TPR: variants seen among roughly 807,000 people sequenced by gnomAD.
TPR encodes nucleoprotein TPR.
A neutral mutation model predicts 316.1 loss-of-function variants in TPR; 51 were observed. The observed-to-expected ratio is 0.16, with a 90% CI of 0.13 to 0.20. The LOEUF (loss-of-function observed/expected upper bound fraction) is 0.20. Among genes scored for constraint, TPR ranks in the 10% least tolerant of loss-of-function variants. The pLI is 1.00. For missense variants in TPR, 2,272 were observed against 2,754.8 expected (o/e 0.82, Z 3.92); for synonymous variants, 981 against 914.7 (o/e 1.07, Z -1.31).
rs746592032 is a variant in TPR, at chr1:186,375,012, T to C, written c.17A>G (p.Gln6Arg). 1 of 1,613,976 alleles carries C rather than the reference T, an allele frequency of 6.2e-7. No individual in the cohort carries two copies. MAAVL[Q>R]QVLERTELNK... Reference sequence around the variant, plus strand: ...CAGCTCCGTGCGCTCCAGGACTTGCTGCAACACCGCCGCCATGTCGGTGGG... The same window carrying C: ...CAGCTCCGTGCGCTCCAGGACTTGCCGCAACACCGCCGCCATGTCGGTGGG... Residue 6 changes from glutamine to arginine, a missense_variant, in exon 1 of 51, where the codon CAG (glutamine) becomes CGG (arginine). Gln to Arg is a conservative substitution (Grantham distance 43). Transcript: ENST00000367478.
intron 42 of TPR, 74 bp downstream of exon 42, chr1:186,325,690 T>G (rs1657905161): frequency 8.6e-7 from 1 of 1,158,368 alleles, no homozygotes; most frequent in Non-Finnish European, 1.2e-6. Context: ...AATTTATATA[T>G]TAGAATTAAG....
chr1:186,366,680 C>T (rs895554694), intron 4 of TPR, among the ~76,000 whole-genome samples: 10 of 152,066 alleles, frequency 6.6e-5, no homozygotes, highest in Admixed American at 2.0e-4. Flanking sequence ...TGTGAATTAT[C>T]CAAATTTATT....
In TPR at chr1:186,343,564, T is replaced by C; in HGVS notation, c.3603-91A>G. ...AATTTGGTAAGATGACAAAAATCAT[T>C]GACTTTAATAACTATTACACGTTTT... On this transcript the variant is annotated intron_variant, in intron 26 of 50. Coordinates refer to ENST00000367478, the MANE Select transcript of TPR (RefSeq NM_003292.3). 8.3e-6 allele frequency: 10 copies of C among 1,211,076 alleles called. No homozygotes were observed. In the South Asian group the frequency reaches 1.5e-4, roughly 18 times the overall value. 75.0% of individuals were successfully genotyped at this position (1,211,076 alleles called of 1,614,324 possible).
At chr1:186,326,624 G>C (rs1657940570) in intron 40 of TPR, among the ~76,000 whole-genome samples, 1 of 151,246 alleles carries the variant, frequency 6.6e-6, no homozygotes, top group Non-Finnish European at 1.5e-5. Flanking sequence ...TGTCAATATA[G>C]GATTAAACCC....
At chr1:186,356,794 G>A (rs1558027871) in intron 14 of TPR, among the ~76,000 whole-genome samples, 1 of 151,996 alleles carries the variant, frequency 6.6e-6, no homozygotes, top group Non-Finnish European at 1.5e-5. Flanking sequence ...TCTTACATAG[G>A]TTCTCCAGGT....
rs888096579 is a variant in TPR, at chr1:186,328,178, A to G, written c.5689-518T>C. ...TGTCTTCCTATAGAAGAATTATCAT[A>G]AATCTTATTGGTTAATACTCCAATA... On this transcript the variant is annotated intron_variant, in intron 39 of 50. Coordinates refer to ENST00000367478, the MANE Select transcript of TPR (RefSeq NM_003292.3). Among the ~76,000 whole-genome samples the G allele has an allele frequency of 3.3e-5, 5 of 152,316 alleles. No individual in the cohort carries two copies. In the East Asian group the frequency reaches 9.6e-4, roughly 29 times the overall value.
At position 186,346,045 on chromosome 1, in the gene TPR, G is replaced by C. The variant is rs547061659; in HGVS notation, c.3096+90C>G. 4.3e-5 allele frequency: 61 copies of C among 1,414,724 alleles called. No individual in the cohort carries two copies. In the African/African-American group the frequency reaches 7.9e-4, roughly 18 times the overall value. 87.6% of individuals were successfully genotyped at this position (1,414,724 alleles called of 1,614,324 possible). ...CCTATGTGTTCAATAAATTTCTGTT[G>C]AGATGAACTAAATGGCAACTAATGA... On this transcript the variant is annotated intron_variant, in intron 23 of 50. Coordinates refer to ENST00000367478, the MANE Select transcript of TPR (RefSeq NM_003292.3).
At chr1:186,348,511 T>A (rs946428617) in intron 21 of TPR, among the ~76,000 whole-genome samples, 33 of 152,016 alleles carry the variant, frequency 2.2e-4, no homozygotes, top group Admixed American at 4.6e-4. Context: ...CTTTGTTAGA[T>A]CCTTATCAGT....
At position 186,351,977 on chromosome 1, in the gene TPR, T is replaced by C. The variant is rs779117265; in HGVS notation, c.2468A>G (p.Gln823Arg). 23 of 1,593,834 alleles carry C rather than the reference T, an allele frequency of 1.4e-5. No homozygotes were observed. In the South Asian group the frequency reaches 2.6e-4, roughly 18 times the overall value. ...TACATAGGCTTTTTATTTGGTTACC[T>C]GAATTGTTTGCAGATTAGTTAGCAG... ...NLLLTNLQTI[Q>R]GILERSETET... Residue 823 changes from glutamine to arginine, a missense_variant and splice_region_variant, in exon 19 of 51, where the codon CAG (glutamine) becomes CGG (arginine). By Grantham distance (43) the Gln-to-Arg change is conservative. Coordinates refer to ENST00000367478, the MANE Select transcript of TPR (RefSeq NM_003292.3).
intron 13 of TPR, 65 bp from the exon 14 acceptor site, chr1:186,357,688 G>T (rs1659069079): frequency 1.4e-6 from 2 of 1,409,696 alleles, no homozygotes; most frequent in Non-Finnish European, 9.6e-7. Flanking sequence ...AGTTTAGAAT[G>T]AAAGTTTTCA....
intron 3 of TPR, among the ~76,000 whole-genome samples, chr1:186,368,316 T>C (rs1302921085): frequency 6.6e-6 from 1 of 152,166 alleles, no homozygotes; most frequent in African/African-American, 2.4e-5. Flanking sequence ...TTAAAACTTT[T>C]AATATATTTT....
Position 186,362,311 on chromosome 1 carries a change from C to T in TPR, c.766G>A (p.Asp256Asn). The part of the protein sequence containing the change: ...SNEHLQKHVE[D>N]LLTKLKEAKE... The stretch of plus-strand genomic sequence containing the variant: ...ACCTCTTTTAATTTGGTCAACAGAT[C>T]CTCCACATGCTTTTGAAGATGTTCA... Residue 256 changes from aspartate (D) to asparagine (N), a missense_variant, in exon 7 of 51, where the codon GAT becomes AAT. Coordinates refer to ENST00000367478, the MANE Select transcript of TPR (RefSeq NM_003292.3). The T allele has an allele frequency of 6.2e-7, 1 of 1,612,192 alleles. No homozygotes were observed. Among genetic ancestry groups the T allele is most frequent in the Non-Finnish European group, 8.5e-7 (1 of 1,178,746 alleles).
chr1:186,327,106 TA>T lies in TPR; in HGVS notation c.5889+353del, dbSNP rs1432104107. On this transcript the variant is annotated intron_variant, in intron 40 of 50. Transcript: ENST00000367478. ...ATATATAACATATATATTATATATA[TA>T]AATATATATAAATATATAACATATA... is the stretch of plus-strand genomic sequence containing the variant. 2.6e-3 allele frequency among the ~76,000 whole-genome samples: 26 copies of T among 9,990 alleles called. 7 individuals are homozygous for T. The highest frequency in any genetic ancestry group is 4.0e-3 in the Non-Finnish European group (20 of 5,014). The allele number at this position is 9,990 out of a possible 152,430, so 6.6% of individuals were successfully genotyped here.
intron 29 of TPR, 64 bp downstream of exon 29, chr1:186,340,964 T>A: frequency 6.4e-7 from 1 of 1,565,096 alleles, no homozygotes; most frequent in Non-Finnish European, 8.6e-7. Context: ...TTTATTCCCC[T>A]AAGTTTCCCC....
chr1:186,312,165 T>TA lies in TPR; in HGVS notation c.*1805dup. ...TTTCATTTTCCATGTGATATTCTAA[T>TA]ACATAACAGGTGGCAGCATTCAGCA... is the stretch of plus-strand genomic sequence containing the variant. On this transcript the variant is annotated 3_prime_UTR_variant, in exon 51 of 51. Transcript: ENST00000367478. The TA allele has an allele frequency of 6.2e-7, 1 of 1,612,262 alleles. No individual in the cohort carries two copies. The highest frequency in any genetic ancestry group is 1.1e-5 in the South Asian group (1 of 91,042).
At chr1:186,333,031 A>C in intron 37 of TPR, 91 bp downstream of exon 37, 1 of 1,441,632 alleles carries the variant, frequency 6.9e-7, no homozygotes, top group Non-Finnish European at 9.3e-7. Flanking sequence ...TCATTTGTAC[A>C]AAGAATACTC....
Position 186,320,474 on chromosome 1 carries a change from CA to C in TPR, c.6462-57del, listed in dbSNP as rs1386847095. On this transcript the variant is annotated intron_variant, in intron 45 of 50. Coordinates refer to ENST00000367478, the MANE Select transcript of TPR (RefSeq NM_003292.3). ...ATTTAAAGTTAACCTATTTAAACCACAATGGTGAAAAAAATATAGGAAGAAG... is the reference window on the plus strand; with the variant it reads ...ATTTAAAGTTAACCTATTTAAACCACATGGTGAAAAAAATATAGGAAGAAG... 6 of 1,433,534 alleles carry C rather than the reference CA, an allele frequency of 4.2e-6. No homozygotes were observed. In the Admixed American group the frequency reaches 1.3e-4, roughly 32 times the overall value. 88.8% of individuals were successfully genotyped at this position (1,433,534 alleles called of 1,614,324 possible).
At chr1:186,365,008 A>C (rs550496125) in intron 4 of TPR, among the ~76,000 whole-genome samples, 39 of 152,240 alleles carry the variant, frequency 2.6e-4, no homozygotes, top group East Asian at 7.7e-4. Flanking sequence ...CACAAGAAGA[A>C]GACCTGGACA....
rs200139812 is a variant in TPR, at chr1:186,359,822, C to T, written c.1366G>A (p.Val456Ile). Residue 456 changes from valine (V) to isoleucine (I), a missense_variant, in exon 12 of 51, where the codon GTT (valine) becomes ATT (isoleucine). Val to Ile is a conservative substitution (Grantham distance 29). This residue lies in a region of TPR where 549 missense variants were observed against 598.6 expected (regional missense o/e 0.92). Transcript: ENST00000367478. ...ACCTTCATAGCTTGTTCAAGCTTAA[C>T]AGATAAACTTGCTACAGCTTTCTGT... is the stretch of plus-strand genomic sequence containing the variant. ...RAQKAVASLS[V>I]KLEQAMKEIQ... 64 of 1,587,044 alleles carry T rather than the reference C, an allele frequency of 4.0e-5. No homozygotes were observed. The African/African-American group carries it at 8.1e-4, about 20-fold the overall frequency.
Sources: allele counts gnomAD v4.1 joint callset (sites outside exome capture counted in the v4.1 genomes callset), GRCh38; gene constraint gnomAD v4.1.1; regional missense constraint gnomAD v4.1.1; transcripts MANE v1.5; gene names NCBI Gene and HGNC (gene_info 2026-07-23, HGNC 2026-07-21).